ASAP1: variants seen among roughly 807,000 people sequenced by gnomAD.
The protein encoded by ASAP1 is ArfGAP with SH3 domain, ankyrin repeat and PH domain 1, also known as arf-GAP with SH3 domain, ANK repeat and PH domain-containing protein 1.
In ASAP1, 43 loss-of-function variants were observed where a neutral mutation model predicts 145.2. That is an observed-to-expected ratio of 0.30 (90% CI 0.23 to 0.38). ASAP1 has a LOEUF of 0.38. ASAP1 is among the 10% of genes least tolerant of loss of function. The pLI is 1.00. For synonymous variants in ASAP1, 546 were observed against 515.5 expected, an observed-to-expected ratio of 1.06 and a Z score of -0.80; for missense variants, 1,018 against 1,355.3, an observed-to-expected ratio of 0.75 and a Z score of 3.91.
intron 1 of ASAP1, among the ~76,000 whole-genome samples, chr8:130,408,304 G>C (rs1040433636): frequency 1.3e-5 from 2 of 152,234 alleles, no homozygotes; most frequent in Non-Finnish European, 2.9e-5. Context: ...AGGAGACTGA[G>C]TAAGGAAGAG....
chr8:130,328,786 T>A (rs1283879884), intron 3 of ASAP1, among the ~76,000 whole-genome samples: 2 of 151,828 alleles, frequency 1.3e-5, no homozygotes, highest in Non-Finnish European at 2.9e-5. Flanking sequence ...CCATGCTCAA[T>A]TAATTTTTAT....
intron 24 of ASAP1, among the ~76,000 whole-genome samples, chr8:130,094,981 T>C (rs1448769356): frequency 1.3e-5 from 2 of 152,194 alleles, no homozygotes; most frequent in Non-Finnish European, 2.9e-5. Context: ...CGCTGCATTA[T>C]ATATGTATGA....
chr8:130,245,393 G>T (rs1176733190), intron 3 of ASAP1, among the ~76,000 whole-genome samples: 1 of 146,170 alleles, frequency 6.8e-6, no homozygotes, highest in Non-Finnish European at 1.5e-5. Context: ...TTCTCAGCTG[G>T]AATTTGACCA....
At chr8:130,262,958 T>G (rs1208142700) in intron 3 of ASAP1, among the ~76,000 whole-genome samples, 1 of 152,174 alleles carries the variant, frequency 6.6e-6, no homozygotes, top group Non-Finnish European at 1.5e-5. Flanking sequence ...AAATCACTCC[T>G]CAAATCAAAA....
intron 3 of ASAP1, among the ~76,000 whole-genome samples, chr8:130,332,625 ACT>A (rs1824766937): frequency 6.6e-6 from 1 of 152,096 alleles, no homozygotes; most frequent in Admixed American, 6.5e-5. Flanking sequence ...CTTATTAGAA[ACT>A]CTGGATTTTT....
chr8:130,272,043 C>T (rs1398220467), intron 3 of ASAP1, among the ~76,000 whole-genome samples: 1 of 151,858 alleles, frequency 6.6e-6, no homozygotes, highest in Non-Finnish European at 1.5e-5. Context: ...CGGTAAGCTC[C>T]AGTCCCAAAT....
intron 2 of ASAP1, among the ~76,000 whole-genome samples, chr8:130,383,241 C>T (rs1015321707): frequency 4.6e-5 from 7 of 152,180 alleles, no homozygotes; most frequent in South Asian, 2.1e-4. Context: ...CAAAGGATTC[C>T]CCAGGCTCCA....
chr8:130,194,381 CAA>C (rs58904969), intron 5 of ASAP1, among the ~76,000 whole-genome samples: 5 of 133,352 alleles, frequency 3.7e-5, no homozygotes, highest in African/African-American at 5.5e-5. Flanking sequence ...CTGGGGGGAG[CAA>C]AAAAAAAAAA....
intron 9 of ASAP1, among the ~76,000 whole-genome samples, chr8:130,173,541 C>T (rs1314021100): frequency 1.3e-5 from 2 of 151,942 alleles, no homozygotes; most frequent in African/African-American, 2.4e-5. Context: ...CAAGGCAGGA[C>T]GATTGCTTGA....
intron 24 of ASAP1, among the ~76,000 whole-genome samples, chr8:130,110,006 C>T (rs767669601): frequency 2.6e-5 from 4 of 152,134 alleles, no homozygotes; most frequent in African/African-American, 7.2e-5. Context: ...TAGATGACCA[C>T]GGTTGCTGTG....
intron 27 of ASAP1, among the ~76,000 whole-genome samples, chr8:130,073,102 G>A (rs772184201): frequency 2.0e-5 from 3 of 150,896 alleles, no homozygotes; most frequent in Non-Finnish European, 3.0e-5. Context: ...TTCGGATTAT[G>A]GACGAATACT....
intron 2 of ASAP1, among the ~76,000 whole-genome samples, chr8:130,380,259 C>T (rs1317194703): frequency 6.6e-6 from 1 of 152,172 alleles, no homozygotes; most frequent in Non-Finnish European, 1.5e-5. Flanking sequence ...AGGTGACCTT[C>T]GGGAGATGCT....
At chr8:130,232,619 T>A (rs975563523) in intron 4 of ASAP1, among the ~76,000 whole-genome samples, 1 of 151,508 alleles carries the variant, frequency 6.6e-6, no homozygotes. Flanking sequence ...GGAGACAATT[T>A]GTTTAAAAAA....
intron 3 of ASAP1, among the ~76,000 whole-genome samples, chr8:130,295,461 T>C (rs1318051449): frequency 6.6e-6 from 1 of 152,162 alleles, no homozygotes; most frequent in Non-Finnish European, 1.5e-5. Flanking sequence ...TTACTGGCTG[T>C]ATGACAAAAA....
At chr8:130,239,460 A>T (rs964855884) in intron 3 of ASAP1, among the ~76,000 whole-genome samples, 3 of 152,062 alleles carry the variant, frequency 2.0e-5, no homozygotes, top group Non-Finnish European at 4.4e-5. Context: ...CTGGAATTTG[A>T]ACCCAGGTCT....
chr8:130,126,218 T>TG, intron 16 of ASAP1, 129 bp from the exon 17 acceptor site: 6 of 911,530 alleles, frequency 6.6e-6, no homozygotes, highest in African/African-American at 1.7e-5. Flanking sequence ...ATGGAAGAAA[T>TG]GGACTCTTGA....
At chr8:130,207,506 T>C (rs1055928196) in intron 5 of ASAP1, among the ~76,000 whole-genome samples, 24 of 152,114 alleles carry the variant, frequency 1.6e-4, no homozygotes, top group African/African-American at 5.8e-4. Flanking sequence ...CTACCCACAG[T>C]GCTTATGTAG....
Position 130,358,924 on chromosome 8 carries a change from T to C in ASAP1, c.60-781A>G, listed in dbSNP as rs1826553671. On this transcript the variant is annotated intron_variant, in intron 2 of 29. Transcript: ENST00000518721. This position sits in a 1 kb window ranked among gnomAD's most constrained non-coding sequence, Gnocchi z 4.1. ...TTTGCAAGAAGGGGGCCCAAAAAAG[T>C]TGTACGTGTTCTTTTTTAGTCGCGT... Among the ~76,000 whole-genome samples the C allele has an allele frequency of 6.6e-6, 1 of 151,840 alleles. No individual in the cohort carries two copies. Among genetic ancestry groups the C allele is most frequent in the South Asian group, 2.1e-4 (1 of 4,816 alleles).
At chr8:130,155,370 C>A (rs768035901) in intron 12 of ASAP1, among the ~76,000 whole-genome samples, 1 of 152,270 alleles carries the variant, frequency 6.6e-6, no homozygotes. Context: ...ATTGCCTGAT[C>A]TTTTGTGTGC....
Sources: gnomAD v4.1 joint callset for allele counts (sites outside exome capture counted in the v4.1 genomes callset) on GRCh38, gnomAD v4.1.1 for gene constraint, Gnocchi (gnomAD v3.1) non-coding constraint, MANE v1.5 for transcripts, NCBI Gene and HGNC (gene_info 2026-07-23, HGNC 2026-07-21) for gene names.